RPS6KC1: variants seen among roughly 807,000 people sequenced by gnomAD.
RPS6KC1 encodes the protein inactive ribosomal protein S6 kinase delta-1.
In RPS6KC1, 54 loss-of-function variants were observed where a neutral mutation model predicts 103.8. The ratio of observed to expected loss-of-function variants is 0.52; its 90% CI spans 0.42 to 0.65. The LOEUF (loss-of-function observed/expected upper bound fraction) is 0.65. Among genes scored for constraint, RPS6KC1 ranks in the 30% least tolerant of loss-of-function variants. The probability of loss-of-function intolerance (pLI) is 0.00; values close to 1 mark genes in which losing one functional copy is unlikely to be tolerated. For missense variants in RPS6KC1, 1,151 were observed against 1,253.8 expected (o/e 0.92, Z 1.24); for synonymous variants, 439 against 438.7 (o/e 1.00, Z -0.01).
At chr1:213,464,807 T>C in the RPS6KC1 span, among the ~76,000 whole-genome samples, 1 of 152,026 alleles carries the variant, frequency 6.6e-6, no homozygotes, top group Non-Finnish European at 1.5e-5. Context: ...GAAATGCATT[T>C]ACATTTCTGG....
the RPS6KC1 span, among the ~76,000 whole-genome samples, chr1:213,302,916 C>A: frequency 1.3e-5 from 2 of 152,304 alleles, no homozygotes; most frequent in East Asian, 3.9e-4. Flanking sequence ...AAACATTGCC[C>A]ATGTACCAGA....
chr1:213,615,230 A>G, the RPS6KC1 span, among the ~76,000 whole-genome samples: 2 of 152,176 alleles, frequency 1.3e-5, no homozygotes, highest in East Asian at 1.9e-4. Context: ...CCAATGGGGT[A>G]TGGGGAAGTG....
chr1:213,715,973 T>A, the RPS6KC1 span, among the ~76,000 whole-genome samples: 352 of 152,284 alleles, frequency 2.3e-3, no homozygotes, highest in African/African-American at 8.0e-3. Flanking sequence ...TAATTTTTTT[T>A]TAAATTCAGC....
At chr1:213,770,497 G>C in the RPS6KC1 span, among the ~76,000 whole-genome samples, 1 of 152,098 alleles carries the variant, frequency 6.6e-6, no homozygotes, top group East Asian at 1.9e-4. Context: ...GGAATACTTG[G>C]GTCAGAAGGA....
At chr1:213,860,814 C>T in the RPS6KC1 span, among the ~76,000 whole-genome samples, 2 of 144,824 alleles carry the variant, frequency 1.4e-5, no homozygotes, top group South Asian at 2.2e-4. Flanking sequence ...TTTTTCTTTT[C>T]TTTTTTTTTT....
chr1:213,369,156 A>C, the RPS6KC1 span, among the ~76,000 whole-genome samples: 3 of 152,194 alleles, frequency 2.0e-5, no homozygotes, highest in African/African-American at 7.2e-5. Context: ...TACAGATAAG[A>C]CCTGAGAAGA....
At chr1:213,357,327 C>T in the RPS6KC1 span, among the ~76,000 whole-genome samples, 5 of 152,118 alleles carry the variant, frequency 3.3e-5, no homozygotes, top group Admixed American at 2.0e-4. Flanking sequence ...GTCCTGCCAG[C>T]TTTTCTCAGA....
At chr1:213,832,769 A>G in the RPS6KC1 span, 1 of 152,230 alleles carries the variant, frequency 6.6e-6, no homozygotes, top group Admixed American at 6.5e-5. Context: ...ATTGCATTAG[A>G]GTGATTTTTT....
the RPS6KC1 span, chr1:213,840,901 G>A: frequency 1.3e-5 from 2 of 152,146 alleles, no homozygotes; most frequent in Non-Finnish European, 2.9e-5. Flanking sequence ...TCACTGTGAT[G>A]AGAAGTGGGA....
Position 213,250,333 on chromosome 1 carries a change from G to A in RPS6KC1, c.2911+7675G>A, listed in dbSNP as rs150749314. On this transcript the variant is annotated intron_variant, in intron 12 of 14. Coordinates refer to ENST00000366960, the MANE Select transcript of RPS6KC1 (RefSeq NM_012424.6). Reference sequence around the variant, plus strand: ...TTCTCTGGATAATACGCTAATTAGAGTAATGTGATTCCAGGAACTTTCAAA... The same window carrying A: ...TTCTCTGGATAATACGCTAATTAGAATAATGTGATTCCAGGAACTTTCAAA... Among the ~76,000 whole-genome samples the A allele has an allele frequency of 1.3e-4, 20 of 152,290 alleles. No homozygotes were observed. In the East Asian group the frequency reaches 3.7e-3, roughly 28 times the overall value.
At chr1:213,129,392 C>A in intron 5 of RPS6KC1, 135 bp from the exon 6 acceptor site, 1 of 922,206 alleles carries the variant, frequency 1.1e-6, no homozygotes, top group Non-Finnish European at 1.6e-6. Flanking sequence ...AATTGCTAGA[C>A]ACTGACTTCC....
chr1:213,105,908 T>C lies in RPS6KC1; in HGVS notation c.378+1339T>C, dbSNP rs376758990. 1.4e-4 allele frequency among the ~76,000 whole-genome samples: 21 copies of C among 152,330 alleles called. No individual in the cohort carries two copies. The East Asian group carries it at 3.5e-3, about 25-fold the overall frequency. On this transcript the variant is annotated intron_variant, in intron 4 of 14. Transcript: ENST00000366960. The stretch of plus-strand genomic sequence containing the variant: ...GCTTTATAGAAATTGTGAAAAGCTG[T>C]CATGCAAATTACCACCTGCCATATG...
the RPS6KC1 span, among the ~76,000 whole-genome samples, chr1:213,769,049 C>A: frequency 6.6e-6 from 1 of 151,892 alleles, no homozygotes; most frequent in Admixed American, 6.6e-5. Flanking sequence ...AATATATAGA[C>A]AGAGGGAAAT....
chr1:213,857,302 C>G, the RPS6KC1 span, among the ~76,000 whole-genome samples: 4 of 152,154 alleles, frequency 2.6e-5, no homozygotes, highest in Non-Finnish European at 5.9e-5. Flanking sequence ...ATTTCAGACT[C>G]CTCATGAAAA....
the RPS6KC1 span, among the ~76,000 whole-genome samples, chr1:213,708,077 G>T: frequency 6.6e-6 from 1 of 152,182 alleles, no homozygotes; most frequent in African/African-American, 2.4e-5. Context: ...ATTCTGTGAA[G>T]AAAGTCAATG....
chr1:213,267,373 T>G (rs1573724038), intron 14 of RPS6KC1, among the ~76,000 whole-genome samples: 1 of 151,904 alleles, frequency 6.6e-6, no homozygotes, highest in Non-Finnish European at 1.5e-5. Flanking sequence ...TTTACAGATC[T>G]AACTGAAACA....
At chr1:213,248,636 AAAG>A (rs1421140618) in intron 12 of RPS6KC1, among the ~76,000 whole-genome samples, 6 of 152,158 alleles carry the variant, frequency 3.9e-5, no homozygotes, top group Non-Finnish European at 7.3e-5. Flanking sequence ...CTTGTGGTGC[AAAG>A]AAGATTAAAG....
chr1:213,108,949 T>C (rs1055178895), intron 4 of RPS6KC1, among the ~76,000 whole-genome samples: 1 of 151,666 alleles, frequency 6.6e-6, no homozygotes, highest in African/African-American at 2.4e-5. Context: ...CACACCTGGC[T>C]GAAGGTATTG....
chr1:213,631,996 G>A, the RPS6KC1 span, among the ~76,000 whole-genome samples: 4 of 152,090 alleles, frequency 2.6e-5, no homozygotes, highest in Non-Finnish European at 4.4e-5. Context: ...CACATAAATG[G>A]AATCATACAG....
Sources: allele counts gnomAD v4.1 joint callset (sites outside exome capture counted in the v4.1 genomes callset), GRCh38; gene constraint gnomAD v4.1.1; transcripts MANE v1.5; gene names NCBI Gene and HGNC (gene_info 2026-07-23, HGNC 2026-07-21).